The following SMG7 variants were observed in gnomAD, a reference collection of about 807,000 sequenced individuals.
SMG7 encodes the protein nonsense-mediated mRNA decay factor SMG7.
Under a neutral mutation model 148.2 loss-of-function variants are expected in SMG7, and 34 were observed. The observed-to-expected ratio is 0.23, with a 90% CI of 0.17 to 0.31. The LOEUF is 0.31. Ranked by LOEUF, SMG7 falls within the 10% of genes least tolerant of loss-of-function variation. The probability of loss-of-function intolerance (pLI) is 1.00; values close to 1 mark genes in which losing one functional copy is unlikely to be tolerated. For missense variants in SMG7, 1,114 were observed against 1,408.4 expected (o/e 0.79, Z 3.35); for synonymous variants, 492 against 515.1 (o/e 0.96, Z 0.61).
intron 1 of SMG7, among the ~76,000 whole-genome samples, chr1:183,507,393 T>C (rs1254474513): frequency 6.6e-6 from 1 of 152,196 alleles, no homozygotes; most frequent in Non-Finnish European, 1.5e-5. Flanking sequence ...AATTTTTTTT[T>C]CTTATACTCT....
intron 1 of SMG7, among the ~76,000 whole-genome samples, chr1:183,491,810 G>A (rs1657099809): frequency 6.6e-6 from 1 of 152,224 alleles, no homozygotes; most frequent in South Asian, 2.1e-4. Context: ...AGGCTGGGAA[G>A]TCCAGTATTA....
chr1:183,477,510 A>G (rs1340123883), intron 1 of SMG7, among the ~76,000 whole-genome samples: 1 of 151,848 alleles, frequency 6.6e-6, no homozygotes, highest in African/African-American at 2.4e-5. Flanking sequence ...GTATATATGC[A>G]TATATACATG....
At chr1:183,499,253 A>G (rs1028625389) in intron 1 of SMG7, among the ~76,000 whole-genome samples, 5 of 152,226 alleles carry the variant, frequency 3.3e-5, no homozygotes, top group African/African-American at 1.2e-4. Flanking sequence ...TGTAGACATC[A>G]GTTTTCAGCT....
At chr1:183,483,575 T>C (rs1654691498) in intron 1 of SMG7, among the ~76,000 whole-genome samples, 1 of 152,168 alleles carries the variant, frequency 6.6e-6, no homozygotes, top group African/African-American at 2.4e-5. Flanking sequence ...AAGAGTGTCT[T>C]AGGACATCTG....
chr1:183,535,167 T>C (rs994699579), intron 10 of SMG7, among the ~76,000 whole-genome samples: 5 of 152,204 alleles, frequency 3.3e-5, no homozygotes, highest in Non-Finnish European at 7.3e-5. Flanking sequence ...AACTGCATGT[T>C]TTACCATTTG....
chr1:183,480,541 CTT>C (rs946533012), intron 1 of SMG7, among the ~76,000 whole-genome samples: 72 of 152,210 alleles, frequency 4.7e-4, no homozygotes, highest in African/African-American at 1.7e-3. Flanking sequence ...GTCCCCCTCT[CTT>C]GTATCTGTCC....
chr1:183,488,468 A>G (rs1171695199), intron 1 of SMG7, among the ~76,000 whole-genome samples: 2 of 152,202 alleles, frequency 1.3e-5, no homozygotes, highest in African/African-American at 4.8e-5. Flanking sequence ...AGTGGTATTG[A>G]TATATAACTG....
intron 1 of SMG7, among the ~76,000 whole-genome samples, chr1:183,473,435 G>T (rs1437897114): frequency 2.0e-5 from 3 of 152,058 alleles, no homozygotes; most frequent in Non-Finnish European, 4.4e-5. Flanking sequence ...TGTGCGAGAT[G>T]TGTGTCTGGG....
chr1:183,530,274 A>G (rs2102612966), intron 8 of SMG7, among the ~76,000 whole-genome samples: 1 of 152,234 alleles, frequency 6.6e-6, no homozygotes, highest in South Asian at 2.1e-4. Context: ...TAACTGCTTC[A>G]TAGTATTTCT....
At position 183,552,224 on chromosome 1, in the gene SMG7, C is replaced by T. The variant is rs1415260554; in HGVS notation, c.*293C>T. The T allele has an allele frequency of 1.7e-5, 18 of 1,059,000 alleles. No individual in the cohort carries two copies. The highest frequency in any genetic ancestry group is 8.3e-5 in the African/African-American group (5 of 60,074). The allele number at this position is 1,059,000 out of a possible 1,614,324, so 65.6% of individuals were successfully genotyped here. A position where few individuals can be genotyped will look rare whatever the true frequency, so the allele number is the denominator to read the frequency against. On this transcript the variant is annotated 3_prime_UTR_variant, in exon 23 of 23. Transcript: ENST00000688051. ...TATCACCGCCTCTCACCTTCTCCAT[C>T]GTGCATGTCCCCAGCCACATGGGAA... is the stretch of plus-strand genomic sequence containing the variant.
At chr1:183,491,161 GT>G (rs1202899566) in intron 1 of SMG7, among the ~76,000 whole-genome samples, 5 of 152,180 alleles carry the variant, frequency 3.3e-5, no homozygotes, top group Admixed American at 6.5e-5. Context: ...TCAATGTTAA[GT>G]TTGTTCGCAT....
intron 4 of SMG7, among the ~76,000 whole-genome samples, chr1:183,522,673 A>G (rs1306310168): frequency 6.6e-6 from 1 of 152,168 alleles, no homozygotes; most frequent in Non-Finnish European, 1.5e-5. Flanking sequence ...GATGAAATGT[A>G]ACTTCAGCAG....
chr1:183,507,202 A>T (rs1406572986), intron 1 of SMG7, among the ~76,000 whole-genome samples: 1 of 152,118 alleles, frequency 6.6e-6, no homozygotes, highest in Admixed American at 6.6e-5. Context: ...CTTAAAAGAG[A>T]TTATCCTGTA....
intron 7 of SMG7, 60 bp from the exon 8 acceptor site, chr1:183,529,338 T>G (rs1206381507): frequency 1.3e-6 from 2 of 1,579,388 alleles, no homozygotes; most frequent in Admixed American, 1.9e-5. Context: ...CAGTGCCTCC[T>G]TAAACAGTTG....
chr1:183,493,628 C>G (rs1370260595), intron 1 of SMG7, among the ~76,000 whole-genome samples: 1 of 152,196 alleles, frequency 6.6e-6, no homozygotes, highest in East Asian at 1.9e-4. Context: ...GTCACCCAGG[C>G]TGGAGTGCAG....
At chr1:183,487,681 G>C (rs565158579) in intron 1 of SMG7, among the ~76,000 whole-genome samples, 17 of 152,200 alleles carry the variant, frequency 1.1e-4, no homozygotes, top group Non-Finnish European at 1.9e-4. Flanking sequence ...GCTTGCTGCT[G>C]CTATCCAGAA....
At chr1:183,496,956 T>C (rs1658627521) in intron 1 of SMG7, among the ~76,000 whole-genome samples, 1 of 152,208 alleles carries the variant, frequency 6.6e-6, no homozygotes, top group South Asian at 2.1e-4. Flanking sequence ...AGTCTAGCCC[T>C]TAAATATTGG....
intron 12 of SMG7, among the ~76,000 whole-genome samples, chr1:183,540,524 T>A (rs1468973502): frequency 6.6e-6 from 1 of 152,136 alleles, no homozygotes; most frequent in Non-Finnish European, 1.5e-5. Context: ...TTTACGATAT[T>A]TATACATTTT....
chr1:183,527,981 G>A lies in SMG7; in HGVS notation c.510G>A (p.Gln170=), dbSNP rs935928434. Reference sequence around the variant, plus strand: ...CTCGATACAGAAACCAGACCAGCCAGGCAGAGTCCTACTATAGGCATGCAG... The same window carrying A: ...CTCGATACAGAAACCAGACCAGCCAAGCAGAGTCCTACTATAGGCATGCAG... The part of the protein sequence containing the change: ...DIARYRNQTS[Q]AESYYRHAAQ... The change falls in exon 6 of 23, where the codon CAG becomes CAA. Residue 170 remains glutamine, a synonymous_variant. Coordinates refer to ENST00000688051, the MANE Select transcript of SMG7 (RefSeq NM_001375584.1). The surrounding 1 kb of genome is among the most constrained non-coding windows in gnomAD (Gnocchi z 4.0). 2 of 1,613,296 alleles carry A rather than the reference G, an allele frequency of 1.2e-6. No individual in the cohort carries two copies. Among genetic ancestry groups the A allele is most frequent in the African/African-American group, 1.3e-5 (1 of 74,942 alleles).
Sources: gnomAD v4.1 joint callset for allele counts (sites outside exome capture counted in the v4.1 genomes callset) on GRCh38, gnomAD v4.1.1 for gene constraint, Gnocchi (gnomAD v3.1) non-coding constraint, MANE v1.5 for transcripts, NCBI Gene and HGNC (gene_info 2026-07-23, HGNC 2026-07-21) for gene names.